NCOA2: variants seen among roughly 807,000 people sequenced by gnomAD.
NCOA2 encodes nuclear receptor coactivator 2.
A neutral mutation model predicts 145.1 loss-of-function variants in NCOA2; 21 were observed. That is an observed-to-expected ratio of 0.14 (90% CI 0.10 to 0.21). The LOEUF (loss-of-function observed/expected upper bound fraction) is 0.21. NCOA2 is among the 10% of genes least tolerant of loss of function. NCOA2 has a pLI of 1.00. For missense variants in NCOA2, 1,472 were observed against 1,837.6 expected (o/e 0.80, Z 3.64); for synonymous variants, 619 against 637.5 (o/e 0.97, Z 0.44).
Position 70,312,827 on chromosome 8 carries a change from G to A in NCOA2, c.-76-16027C>T, listed in dbSNP as rs934971328. On this transcript the variant is annotated intron_variant, in intron 1 of 22. Transcript: ENST00000452400. The stretch of plus-strand genomic sequence containing the variant: ...GAGAACTATGGTAAAAAATCTTCTC[G>A]TAATCTTAAAGTGTACTCTCGTGAC... Among the ~76,000 whole-genome samples the A allele has an allele frequency of 6.6e-5, 10 of 151,620 alleles. No individual in the cohort carries two copies. The East Asian group carries it at 1.5e-3, about 23-fold the overall frequency.
chr8:70,220,385 G>T (rs1332584664), intron 2 of NCOA2, among the ~76,000 whole-genome samples: 4 of 152,140 alleles, frequency 2.6e-5, no homozygotes, highest in Admixed American at 1.3e-4. Flanking sequence ...TCTACCAGAT[G>T]TTGGGGGTTG....
chr8:70,445,654 A>T, the NCOA2 span, among the ~76,000 whole-genome samples: 1 of 152,190 alleles, frequency 6.6e-6, no homozygotes, highest in Non-Finnish European at 1.5e-5. Context: ...TCACAGAGCT[A>T]CTGTAATCAT....
At chr8:70,336,830 T>C (rs1563777982) in intron 1 of NCOA2, among the ~76,000 whole-genome samples, 1 of 152,204 alleles carries the variant, frequency 6.6e-6, no homozygotes. Context: ...TACCGCATTC[T>C]GCTTATCCAT....
chr8:70,129,168 G>A (rs1808793211), intron 16 of NCOA2, among the ~76,000 whole-genome samples, 188 bp from the exon 17 acceptor site: 1 of 152,070 alleles, frequency 6.6e-6, no homozygotes, highest in Non-Finnish European at 1.5e-5. Context: ...TCTGCTCACA[G>A]CTCTGGTTAC....
At chr8:70,372,707 C>T (rs116739342) in intron 1 of NCOA2, among the ~76,000 whole-genome samples, 44 of 152,268 alleles carry the variant, frequency 2.9e-4, no homozygotes, top group African/African-American at 1.0e-3. Flanking sequence ...GTAACAAATG[C>T]ATACTATTAC....
chr8:70,443,375 AAAT>A, the NCOA2 span, among the ~76,000 whole-genome samples: 2 of 151,886 alleles, frequency 1.3e-5, no homozygotes, highest in South Asian at 2.1e-4. Context: ...CCCTGTCGCA[AAAT>A]AATAATAATA....
chr8:70,427,419 T>C, the NCOA2 span, among the ~76,000 whole-genome samples: 32 of 152,352 alleles, frequency 2.1e-4, no homozygotes, highest in South Asian at 6.6e-3. Context: ...TAGAATCAGA[T>C]ATATAAAGTG....
chr8:70,409,978 G>A, the NCOA2 span, among the ~76,000 whole-genome samples: 1 of 152,168 alleles, frequency 6.6e-6, no homozygotes, highest in Admixed American at 6.5e-5. Flanking sequence ...GGGAGACCAA[G>A]ACAGCCGGAT....
At position 70,132,010 on chromosome 8, in the gene NCOA2, G is replaced by C; in HGVS notation, c.3159-8C>G. Reference sequence around the variant, plus strand: ...GAACTGCCAAATGGCTGCCTGTAAAGACAGAAATGTCACCTTGGGCCAATG... The same window carrying C: ...GAACTGCCAAATGGCTGCCTGTAAACACAGAAATGTCACCTTGGGCCAATG... On this transcript the variant is annotated splice_region_variant and splice_polypyrimidine_tract_variant and intron_variant, in intron 15 of 22. Coordinates refer to ENST00000452400, the MANE Select transcript of NCOA2 (RefSeq NM_006540.4). 3 of 1,610,154 alleles carry C rather than the reference G, an allele frequency of 1.9e-6. No homozygotes were observed. Among genetic ancestry groups the C allele is most frequent in the South Asian group, 1.1e-5 (1 of 90,078 alleles).
chr8:70,147,923 T>C (rs1811285157), intron 12 of NCOA2, among the ~76,000 whole-genome samples: 1 of 152,200 alleles, frequency 6.6e-6, no homozygotes, highest in East Asian at 1.9e-4. Context: ...ATGTTATATA[T>C]TTCAGTATTT....
intron 2 of NCOA2, among the ~76,000 whole-genome samples, chr8:70,256,157 T>G (rs1217247078): frequency 6.6e-6 from 1 of 152,080 alleles, no homozygotes; most frequent in Non-Finnish European, 1.5e-5. Flanking sequence ...GAGGGGAAGG[T>G]TTCCAGATTG....
chr8:70,109,989 G>A lies in NCOA2; in HGVS notation c.*3643C>T, dbSNP rs896870358. On this transcript the variant is annotated 3_prime_UTR_variant, in exon 23 of 23. Coordinates refer to ENST00000452400, the MANE Select transcript of NCOA2 (RefSeq NM_006540.4). ...ACAAACATCAATGCAGGTGAACAAA[G>A]TGATGTTCAGAGTCAACTCCATTTT... 5.2e-6 allele frequency: 1 copy of A among 193,128 alleles called. No individual in the cohort carries two copies. The allele number at this position is 193,128 out of a possible 1,614,324, so 12.0% of individuals were successfully genotyped here.
At chr8:70,163,722 T>C (rs1410204339) in intron 7 of NCOA2, among the ~76,000 whole-genome samples, 156 bp from the exon 8 acceptor site, 1 of 152,184 alleles carries the variant, frequency 6.6e-6, no homozygotes, top group Admixed American at 6.5e-5. Context: ...GGTTTTATTC[T>C]CTTCATGAAA....
At chr8:70,204,169 G>C (rs1266611163) in intron 4 of NCOA2, among the ~76,000 whole-genome samples, 1 of 152,048 alleles carries the variant, frequency 6.6e-6, no homozygotes, top group East Asian at 1.9e-4. Context: ...CACCATGCCA[G>C]GCTAATTTTT....
chr8:70,356,578 A>G (rs1020419688), intron 1 of NCOA2, among the ~76,000 whole-genome samples: 3 of 152,230 alleles, frequency 2.0e-5, no homozygotes, highest in Non-Finnish European at 4.4e-5. Flanking sequence ...ATAGTTATAA[A>G]TAAATATCCT....
chr8:70,148,545 T>C (rs1811376358), intron 11 of NCOA2, 62 bp from the exon 12 acceptor site: 1 of 1,506,776 alleles, frequency 6.6e-7, no homozygotes. Context: ...CACAAGCCCA[T>C]TTGCAATCAC....
chr8:70,339,776 A>G (rs555270147), intron 1 of NCOA2, among the ~76,000 whole-genome samples: 11 of 152,194 alleles, frequency 7.2e-5, no homozygotes, highest in Non-Finnish European at 1.6e-4. Context: ...ACTCAGTAAT[A>G]TAACTGTTGC....
the NCOA2 span, among the ~76,000 whole-genome samples, chr8:70,451,172 C>G: frequency 5.0e-5 from 7 of 139,724 alleles, no homozygotes; most frequent in Non-Finnish European, 7.6e-5. Flanking sequence ...AAGCTGAGAT[C>G]GCGCCACTGT....
At chr8:70,243,150 T>G (rs1235283144) in intron 2 of NCOA2, among the ~76,000 whole-genome samples, 3 of 152,254 alleles carry the variant, frequency 2.0e-5, no homozygotes, top group Non-Finnish European at 4.4e-5. Flanking sequence ...TGATATTTTA[T>G]GTCCTAGGGG....
Sources: allele counts gnomAD v4.1 joint callset (sites outside exome capture counted in the v4.1 genomes callset), GRCh38; gene constraint gnomAD v4.1.1; transcripts MANE v1.5; gene names NCBI Gene and HGNC (gene_info 2026-07-23, HGNC 2026-07-21).